The following TTC27 variants were observed in gnomAD, a reference collection of about 807,000 sequenced individuals.
The protein encoded by TTC27 is tetratricopeptide repeat protein 27.
TTC27 carries 79 observed loss-of-function variants against 115.9 expected under a neutral mutation model. That is an observed-to-expected ratio of 0.68 (90% CI 0.57 to 0.82). TTC27 has a LOEUF of 0.82. Among genes scored for constraint, TTC27 ranks in the 40% least tolerant of loss-of-function variants. The probability of loss-of-function intolerance (pLI) is 0.00; values close to 1 mark genes in which losing one functional copy is unlikely to be tolerated. For synonymous variants in TTC27, 401 were observed against 356.0 expected (o/e 1.13, Z -1.42); for missense variants, 1,054 against 993.1 (o/e 1.06, Z -0.82).
chr2:32,772,766 T>C (rs1259773692), intron 13 of TTC27, among the ~76,000 whole-genome samples: 1 of 152,220 alleles, frequency 6.6e-6, no homozygotes, highest in African/African-American at 2.4e-5. Flanking sequence ...AGTGCTTCTA[T>C]ATTCCATTCT....
At chr2:32,800,780 G>A (rs1044372544) in intron 16 of TTC27, among the ~76,000 whole-genome samples, 4 of 152,136 alleles carry the variant, frequency 2.6e-5, no homozygotes, top group Non-Finnish European at 5.9e-5. Context: ...GATTACAGAC[G>A]TGAGCCACCG....
chr2:32,697,840 C>T (rs185177811), intron 9 of TTC27, among the ~76,000 whole-genome samples: 2 of 152,264 alleles, frequency 1.3e-5, no homozygotes, highest in East Asian at 3.9e-4. Flanking sequence ...CAACCTCTCC[C>T]TCCTGGGTTC....
intron 3 of TTC27, among the ~76,000 whole-genome samples, chr2:32,637,672 G>A (rs1457767928): frequency 6.6e-6 from 1 of 151,986 alleles, no homozygotes; most frequent in Non-Finnish European, 1.5e-5. Flanking sequence ...ATCTTCTTGT[G>A]CTTTACCAGT....
At chr2:32,636,018 G>T (rs1664410874) in intron 3 of TTC27, among the ~76,000 whole-genome samples, 1 of 152,188 alleles carries the variant, frequency 6.6e-6, no homozygotes, top group Admixed American at 6.5e-5. Context: ...AACCCTAAAT[G>T]ATTGTAGCAG....
At chr2:32,644,988 A>C (rs752645982) in intron 4 of TTC27, among the ~76,000 whole-genome samples, 3 of 150,102 alleles carry the variant, frequency 2.0e-5, no homozygotes, top group Non-Finnish European at 4.4e-5. Context: ...GACTATAGGC[A>C]CCTGGCTTAT....
At chr2:32,692,087 C>A (rs183790058) in intron 9 of TTC27, among the ~76,000 whole-genome samples, 1 of 101,858 alleles carries the variant, frequency 9.8e-6, no homozygotes, top group African/African-American at 3.6e-5. Flanking sequence ...CCCCATATTG[C>A]TCAGGCTGGT....
intron 10 of TTC27, among the ~76,000 whole-genome samples, chr2:32,731,934 A>G (rs1668304814): frequency 6.6e-6 from 1 of 152,080 alleles, no homozygotes; most frequent in African/African-American, 2.4e-5. Flanking sequence ...TTTAGTAACT[A>G]TAGCCAACAA....
chr2:32,711,528 T>C (rs888163381), intron 10 of TTC27, among the ~76,000 whole-genome samples: 10 of 152,208 alleles, frequency 6.6e-5, no homozygotes, highest in Non-Finnish European at 1.3e-4. Context: ...AAGAGGAAAA[T>C]GATTTTAAAA....
chr2:32,761,499 C>T (rs1012175162), intron 13 of TTC27, among the ~76,000 whole-genome samples: 1 of 152,168 alleles, frequency 6.6e-6, no homozygotes, highest in East Asian at 1.9e-4. Flanking sequence ...TCAAGACTTT[C>T]CCCAGTATCT....
intron 13 of TTC27, among the ~76,000 whole-genome samples, 167 bp from the exon 14 acceptor site, chr2:32,777,715 C>T (rs1572604289): frequency 6.6e-6 from 1 of 152,174 alleles, no homozygotes; most frequent in African/African-American, 2.4e-5. Flanking sequence ...AAATTTACCT[C>T]CATTGCTAAA....
intron 12 of TTC27, among the ~76,000 whole-genome samples, chr2:32,738,344 A>G (rs572858285): frequency 5.3e-5 from 8 of 152,326 alleles, no homozygotes; most frequent in African/African-American, 1.2e-4. Flanking sequence ...GTAAGATAAT[A>G]TATGTAAAGT....
At position 32,753,429 on chromosome 2, in the gene TTC27, CT is replaced by C. The variant is rs776515945; in HGVS notation, c.1453-4838del. Among the ~76,000 whole-genome samples, 442 of 72,846 alleles carry C rather than the reference CT, an allele frequency of 6.1e-3. 2 individuals carry two copies. The highest frequency in any genetic ancestry group is 0.051 in the East Asian group (95 of 1,860). The allele number at this position is 72,846 out of a possible 152,430, so 47.8% of individuals were successfully genotyped here. On this transcript the variant is annotated intron_variant, in intron 12 of 19. Transcript: ENST00000317907. ...ATACTCGGTTAATCCAATCAAATGC[CT>C]TTTTTTTTTTTTTTTTTTTTTTTTG...
At chr2:32,708,326 T>TTTTTTTTTTTTTTTA (rs1169300608) in intron 10 of TTC27, among the ~76,000 whole-genome samples, 3 of 142,250 alleles carry the variant, frequency 2.1e-5, no homozygotes, top group African/African-American at 8.0e-5. Flanking sequence ...TTTTTTTTTT[T>TTTTTTTTTTTTTTTA]AATGAGATGG....
In TTC27 at chr2:32,800,222, C is replaced by G. The variant is rs538804397; in HGVS notation, c.1999-10802C>G. Among the ~76,000 whole-genome samples the G allele has an allele frequency of 2.6e-5, 4 of 152,346 alleles. No homozygotes were observed. The South Asian group carries it at 8.3e-4, about 32-fold the overall frequency. On this transcript the variant is annotated intron_variant, in intron 16 of 19. Coordinates refer to ENST00000317907, the MANE Select transcript of TTC27 (RefSeq NM_017735.5). ...GTGTTTTTTGAGACGGAGTCTCGCC[C>G]TGTCACCCAGGCTGGAGTGCAATGG...
chr2:32,660,285 CAT>C (rs528654928), intron 5 of TTC27, among the ~76,000 whole-genome samples: 20 of 152,188 alleles, frequency 1.3e-4, no homozygotes, highest in African/African-American at 4.8e-4. Context: ...AGCTTTTTTT[CAT>C]ATGTTTATTG....
intron 10 of TTC27, among the ~76,000 whole-genome samples, chr2:32,717,398 T>G (rs563550063): frequency 6.6e-6 from 1 of 152,350 alleles, no homozygotes; most frequent in Admixed American, 6.5e-5. Context: ...GGAAATGCAG[T>G]GCTCCGTGTC....
chr2:32,696,228 A>G (rs954916924), intron 9 of TTC27, among the ~76,000 whole-genome samples: 1 of 151,734 alleles, frequency 6.6e-6, no homozygotes, highest in African/African-American at 2.4e-5. Flanking sequence ...TCCTTTTTAA[A>G]GCGGATTGAT....
intron 9 of TTC27, among the ~76,000 whole-genome samples, chr2:32,690,156 A>T (rs1412031041): frequency 6.6e-6 from 1 of 152,220 alleles, no homozygotes; most frequent in Non-Finnish European, 1.5e-5. Context: ...TGGTTTTGTT[A>T]TAGAACATTT....
chr2:32,813,099 A>T (rs1671373101), intron 18 of TTC27, among the ~76,000 whole-genome samples: 1 of 152,248 alleles, frequency 6.6e-6, no homozygotes, highest in Admixed American at 6.5e-5. Flanking sequence ...TTAACCTTAC[A>T]TATAAAATTA....
Sources: gnomAD v4.1 joint callset for allele counts (sites outside exome capture counted in the v4.1 genomes callset) on GRCh38, gnomAD v4.1.1 for gene constraint, MANE v1.5 for transcripts, NCBI Gene and HGNC (gene_info 2026-07-23, HGNC 2026-07-21) for gene names.